DLG2: variants seen among roughly 807,000 people sequenced by gnomAD.
DLG2 encodes discs large MAGUK scaffold protein 2.
In DLG2, 45 loss-of-function variants were observed where a neutral mutation model predicts 132.5. The ratio of observed to expected loss-of-function variants is 0.34; its 90% confidence interval spans 0.27 to 0.44. The LOEUF (loss-of-function observed/expected upper bound fraction) is 0.44, where lower values mean the gene tolerates loss of function less well. DLG2 is among the 20% of genes least tolerant of loss of function. The pLI is 1.00. For synonymous variants in DLG2, 424 were observed against 419.6 expected (o/e 1.01, Z -0.13); for missense variants, 1,045 against 1,196.9 (o/e 0.87, Z 1.87).
At chr11:83,724,771 T>C in intron 18 of DLG2, 1 of 687,100 alleles carries the variant, frequency 1.5e-6, no homozygotes, top group Non-Finnish European at 2.7e-6. Context: ...GAGAATCTGC[T>C]GCCCTCTTTT....
At chr11:85,584,338 T>A (rs1037313323) in intron 3 of DLG2, among the ~76,000 whole-genome samples, 1 of 107,998 alleles carries the variant, frequency 9.3e-6, no homozygotes, top group African/African-American at 3.7e-5. Flanking sequence ...TAGTATTCCA[T>A]GGTGTGTGTG....
chr11:84,883,130 T>TA (rs2087630656), intron 6 of DLG2, among the ~76,000 whole-genome samples: 1 of 152,018 alleles, frequency 6.6e-6, no homozygotes, highest in African/African-American at 2.4e-5. Context: ...TATGCAGCCA[T>TA]AAAAAAGGAT....
chr11:85,161,689 C>T lies in DLG2; in HGVS notation c.187-7038G>A, dbSNP rs553614666. 2.0e-5 allele frequency among the ~76,000 whole-genome samples: 3 copies of T among 152,252 alleles called. No individual in the cohort carries two copies. The South Asian group carries it at 6.2e-4, about 32-fold the overall frequency. ...AGCTAAAGAACTGTGATTGTGGGCT[C>T]ATGCTCATGCTCACTGGTCTTACCA... On this transcript the variant is annotated intron_variant, in intron 4 of 27. Transcript: ENST00000376104.
At chr11:85,132,512 A>T (rs1429251233) in intron 5 of DLG2, among the ~76,000 whole-genome samples, 2 of 137,394 alleles carry the variant, frequency 1.5e-5, no homozygotes, top group Non-Finnish European at 3.0e-5. Flanking sequence ...ATCCTGCCAT[A>T]AAAAAAAAAC....
intron 6 of DLG2, among the ~76,000 whole-genome samples, chr11:85,110,668 C>T (rs2072579536): frequency 6.6e-6 from 1 of 152,018 alleles, no homozygotes; most frequent in Non-Finnish European, 1.5e-5. Flanking sequence ...AGGAAAAAAG[C>T]TTAATCTCTT....
intron 6 of DLG2, among the ~76,000 whole-genome samples, chr11:84,969,936 A>G (rs890965956): frequency 6.6e-6 from 1 of 152,104 alleles, no homozygotes; most frequent in Admixed American, 6.6e-5. Flanking sequence ...CAAACACCGC[A>G]TGTTTTCACT....
At chr11:84,076,012 C>G (rs1271986745) in intron 10 of DLG2, among the ~76,000 whole-genome samples, 2 of 152,266 alleles carry the variant, frequency 1.3e-5, no homozygotes, top group South Asian at 4.1e-4. Context: ...GGATTAAGGG[C>G]AACAAGAAGG....
chr11:83,709,699 C>T (rs1351019528), intron 18 of DLG2, among the ~76,000 whole-genome samples: 3 of 152,164 alleles, frequency 2.0e-5, no homozygotes, highest in African/African-American at 4.8e-5. Flanking sequence ...GAAGGTGAAA[C>T]TTGACTCTCC....
At chr11:85,516,977 G>T (rs1393480974) in intron 3 of DLG2, among the ~76,000 whole-genome samples, 3 of 151,594 alleles carry the variant, frequency 2.0e-5, no homozygotes, top group African/African-American at 4.8e-5. Context: ...CAAAAAAAAG[G>T]AAAAACTACA....
At chr11:84,828,634 C>A (rs1030963523) in intron 6 of DLG2, among the ~76,000 whole-genome samples, 4 of 151,706 alleles carry the variant, frequency 2.6e-5, no homozygotes, top group Non-Finnish European at 5.9e-5. Context: ...CAAAAGAATT[C>A]TCCTTTGGTG....
chr11:84,230,730 G>GA (rs1174796550), intron 8 of DLG2, among the ~76,000 whole-genome samples: 2 of 151,664 alleles, frequency 1.3e-5, no homozygotes, highest in South Asian at 2.1e-4. Context: ...TCCAGTTAAA[G>GA]AAAAAAAATT....
chr11:84,369,673 A>G (rs185659927), intron 7 of DLG2, among the ~76,000 whole-genome samples: 1 of 152,188 alleles, frequency 6.6e-6, no homozygotes, highest in African/African-American at 2.4e-5. Context: ...TGGTTGGAGC[A>G]TTAAAAATAT....
intron 16 of DLG2, among the ~76,000 whole-genome samples, chr11:83,864,683 AG>A (rs2061997931): frequency 6.6e-6 from 1 of 152,132 alleles, no homozygotes; most frequent in South Asian, 2.1e-4. Flanking sequence ...CTGGCAATAA[AG>A]GGGCATCTGG....
intron 17 of DLG2, chr11:83,790,206 T>C: frequency 1.1e-6 from 1 of 878,924 alleles, no homozygotes. Flanking sequence ...GAATGCTCAA[T>C]TAGATCAACT....
At chr11:84,394,396 T>C (rs1275868049) in intron 7 of DLG2, among the ~76,000 whole-genome samples, 1 of 151,814 alleles carries the variant, frequency 6.6e-6, no homozygotes, top group Non-Finnish European at 1.5e-5. Context: ...AAGACAAAAG[T>C]TATAGCATGA....
intron 3 of DLG2, among the ~76,000 whole-genome samples, chr11:85,550,754 T>C (rs765847967): frequency 1.2e-4 from 19 of 152,258 alleles, no homozygotes; most frequent in Non-Finnish European, 1.9e-4. Flanking sequence ...CTGCACTATA[T>C]GAGACTTTCT....
chr11:83,973,523 T>G (rs1457212844), intron 12 of DLG2, among the ~76,000 whole-genome samples: 2 of 152,066 alleles, frequency 1.3e-5, no homozygotes, highest in Non-Finnish European at 2.9e-5. Context: ...TTCTAAATTT[T>G]TTTTAGCCAA....
At chr11:84,307,392 A>AATATT (rs1268450499) in intron 7 of DLG2, among the ~76,000 whole-genome samples, 1 of 152,164 alleles carries the variant, frequency 6.6e-6, no homozygotes, top group African/African-American at 2.4e-5. Flanking sequence ...CCACCTATTG[A>AATATT]ATATTATATT....
chr11:84,885,502 GAAT>G (rs1454728784), intron 6 of DLG2, among the ~76,000 whole-genome samples: 1 of 151,978 alleles, frequency 6.6e-6, no homozygotes, highest in Non-Finnish European at 1.5e-5. Context: ...GCCTGGCCTG[GAAT>G]AATGTTTTGT....
Sources: allele counts gnomAD v4.1 joint callset (sites outside exome capture counted in the v4.1 genomes callset), GRCh38; gene constraint gnomAD v4.1.1; transcripts MANE v1.5; gene names NCBI Gene and HGNC (gene_info 2026-07-23, HGNC 2026-07-21).